Variants in ATG7 observed in about 807,000 individuals in gnomAD.
ATG7 encodes autophagy related 7, also known as ubiquitin-like modifier-activating enzyme ATG7.
Under a neutral mutation model 82.4 loss-of-function variants are expected in ATG7, and 70 were observed. The ratio of observed to expected loss-of-function variants is 0.85; its 90% CI spans 0.70 to 1.04. ATG7 has a LOEUF of 1.04. ATG7 is among the 50% of genes least tolerant of loss of function. The pLI is 0.00. For missense variants in ATG7, 792 were observed against 864.3 expected (o/e 0.92, Z 1.05); for synonymous variants, 287 against 313.0 (o/e 0.92, Z 0.88).
chr3:11,383,695 G>A (rs1441851425), intron 19 of ATG7, among the ~76,000 whole-genome samples: 2 of 152,108 alleles, frequency 1.3e-5, no homozygotes, highest in East Asian at 1.9e-4. Flanking sequence ...TGATCCGCCC[G>A]CCTCAGCCTC....
At chr3:11,567,367 A>G in the ATG7 span, among the ~76,000 whole-genome samples, 6 of 152,108 alleles carry the variant, frequency 3.9e-5, no homozygotes, top group African/African-American at 7.2e-5. Flanking sequence ...AGGACCCAGT[A>G]TTCGTTTATG....
chr3:11,475,499 C>A (rs961368678), intron 20 of ATG7, among the ~76,000 whole-genome samples: 1 of 152,118 alleles, frequency 6.6e-6, no homozygotes, highest in Non-Finnish European at 1.5e-5. Context: ...AAAGAGAAGA[C>A]CCCTGTTGGG....
At position 11,555,158 on chromosome 3, in the gene ATG7, C is replaced by G. The variant is rs1353628533; in HGVS notation, c.*315C>G. ...TCCCCCAGGATCCTTTCCCCTTGGC[C>G]CTGAGGGGGTGACCCAACACAGACC... On this transcript the variant is annotated 3_prime_UTR_variant, in exon 21 of 21. Transcript: ENST00000693202. The G allele has an allele frequency of 2.6e-6, 1 of 391,108 alleles. No individual in the cohort carries two copies. Among genetic ancestry groups the G allele is most frequent in the Non-Finnish European group, 4.6e-6 (1 of 217,256 alleles). 24.2% of individuals were successfully genotyped at this position (391,108 alleles called of 1,614,324 possible).
chr3:11,415,020 C>T (rs7433812), intron 19 of ATG7, among the ~76,000 whole-genome samples: 1 of 152,160 alleles, frequency 6.6e-6, no homozygotes, highest in Non-Finnish European at 1.5e-5. Context: ...GTAAAGTGTC[C>T]TTATACAAAC....
At chr3:11,564,691 T>TCCCTCACCACCG in the ATG7 span, 3 of 1,276,540 alleles carry the variant, frequency 2.4e-6, no homozygotes, top group Admixed American at 2.2e-5. Context: ...CCTCACCACC[T>TCCCTCACCACCG]CCCTCCCTCA....
Position 11,299,480 on chromosome 3 carries a change from C to A in ATG7, c.215+64C>A, listed in dbSNP as rs543736269. On this transcript the variant is annotated intron_variant, in intron 5 of 20. Transcript: ENST00000693202. ...CTACTTTTGGCAAGGAATAAGCATG[C>A]TTGCCTCCCTCATAGGTGGACCACA... 253 of 1,507,524 alleles carry A rather than the reference C, an allele frequency of 1.7e-4. 2 individuals are homozygous for A. In the South Asian group the frequency reaches 2.4e-3, roughly 14 times the overall value. 93.4% of individuals were successfully genotyped at this position (1,507,524 alleles called of 1,614,324 possible).
intron 20 of ATG7, among the ~76,000 whole-genome samples, chr3:11,459,503 T>C (rs2086100446): frequency 6.6e-6 from 1 of 152,136 alleles, no homozygotes; most frequent in Non-Finnish European, 1.5e-5. Flanking sequence ...CAAGTGTTTT[T>C]TTTTTTTTAA....
chr3:11,554,339 C>T (rs1309962552), intron 20 of ATG7, among the ~76,000 whole-genome samples: 2 of 152,140 alleles, frequency 1.3e-5, no homozygotes, highest in African/African-American at 2.4e-5. Flanking sequence ...AGCTGGACTA[C>T]AGTTAGAGGG....
At chr3:11,293,846 G>A (rs868282848) in intron 3 of ATG7, among the ~76,000 whole-genome samples, 4 of 150,008 alleles carry the variant, frequency 2.7e-5, no homozygotes, top group African/African-American at 9.9e-5. Flanking sequence ...GCAAGACTCC[G>A]TATCGAGAGA....
chr3:11,439,411 G>T (rs952580740), intron 20 of ATG7, among the ~76,000 whole-genome samples: 5 of 152,176 alleles, frequency 3.3e-5, no homozygotes, highest in Non-Finnish European at 5.9e-5. Flanking sequence ...AGCTGTAGGG[G>T]AGCAGGGAGG....
At chr3:11,372,800 G>T (rs2077091263) in intron 18 of ATG7, among the ~76,000 whole-genome samples, 1 of 136,588 alleles carries the variant, frequency 7.3e-6, no homozygotes, top group South Asian at 2.4e-4. Flanking sequence ...GGTAAGGGCT[G>T]GGTGTGTGTG....
chr3:11,558,151 G>T, downstream of ATG7: 1 of 241,176 alleles, frequency 4.1e-6, no homozygotes, highest in Non-Finnish European at 8.1e-6. Context: ...CGTGGAAGCT[G>T]AGCCACACAC....
rs552350117 is a variant in ATG7 at position 11,371,557 on chromosome 3, G to A, written c.1875+6823G>A. On this transcript the variant is annotated intron_variant, in intron 18 of 20. Transcript: ENST00000693202. The stretch of plus-strand genomic sequence containing the variant: ...TCGTTTGGTCTTAAATCAGAAGACA[G>A]CCTAATCCAGGGATTCCCATACCTG... Among the ~76,000 whole-genome samples, 237 of 151,000 alleles carry A rather than the reference G, an allele frequency of 1.6e-3. 8 individuals are homozygous for A. Among genetic ancestry groups the A allele is most frequent in the Non-Finnish European group, 2.1e-3 (143 of 67,720 alleles).
chr3:11,454,494 A>G (rs2085507203), intron 20 of ATG7, among the ~76,000 whole-genome samples: 1 of 152,182 alleles, frequency 6.6e-6, no homozygotes, highest in African/African-American at 2.4e-5. Context: ...GAGTATGGAG[A>G]CCACACATGG....
At chr3:11,356,504 A>G (rs995168818) in intron 14 of ATG7, among the ~76,000 whole-genome samples, 2 of 152,230 alleles carry the variant, frequency 1.3e-5, no homozygotes, top group African/African-American at 4.8e-5. Flanking sequence ...TGTGGACATA[A>G]CTGATGGGCT....
intron 1 of ATG7, among the ~76,000 whole-genome samples, chr3:11,275,015 T>TG (rs1941404265): frequency 1.3e-5 from 2 of 151,966 alleles, no homozygotes; most frequent in South Asian, 2.1e-4. Flanking sequence ...TGGGTATAGT[T>TG]GCAGTGATCC....
intron 20 of ATG7, among the ~76,000 whole-genome samples, chr3:11,528,650 AC>A (rs2092633505): frequency 6.6e-6 from 1 of 151,954 alleles, no homozygotes; most frequent in South Asian, 2.1e-4. Flanking sequence ...ATATGGTGAA[AC>A]CCCATCTCTA....
intron 20 of ATG7, among the ~76,000 whole-genome samples, chr3:11,528,194 A>G (rs1458027270): frequency 6.6e-6 from 1 of 152,234 alleles, no homozygotes; most frequent in Non-Finnish European, 1.5e-5. Context: ...TCTGCACTGA[A>G]TCTTCTTTAT....
intron 19 of ATG7, among the ~76,000 whole-genome samples, chr3:11,403,735 A>G (rs2080066022): frequency 6.6e-6 from 1 of 152,204 alleles, no homozygotes; most frequent in Non-Finnish European, 1.5e-5. Context: ...CAACATATTA[A>G]TGACCCTGAG....
Sources: allele counts gnomAD v4.1 joint callset (sites outside exome capture counted in the v4.1 genomes callset), GRCh38; gene constraint gnomAD v4.1.1; transcripts MANE v1.5; gene names NCBI Gene and HGNC (gene_info 2026-07-23, HGNC 2026-07-21).